The following TRMT10A variants were observed in gnomAD, a reference collection of about 807,000 sequenced individuals.
TRMT10A encodes tRNA methyltransferase 10 homolog A.
Under a neutral mutation model 40.4 loss-of-function variants are expected in TRMT10A, and 37 were observed. The observed-to-expected ratio is 0.92, with a 90% CI of 0.71 to 1.21. TRMT10A has a LOEUF of 1.21. Ranked by LOEUF, TRMT10A falls within the 50% of genes most tolerant of loss-of-function variation. The probability of loss-of-function intolerance (pLI) is 0.00; values close to 1 mark genes in which losing one functional copy is unlikely to be tolerated. For missense variants in TRMT10A, 388 were observed against 404.3 expected (o/e 0.96, Z 0.35); for synonymous variants, 103 against 134.1 (o/e 0.77, Z 1.60).
chr4:99,548,921 C>T lies in TRMT10A; in HGVS notation c.*167G>A. 1.6e-6 allele frequency: 1 copy of T among 629,522 alleles called. No individual in the cohort carries two copies. Among genetic ancestry groups the T allele is most frequent in the South Asian group, 4.5e-5 (1 of 22,322 alleles). The allele number at this position is 629,522 out of a possible 1,614,324, so 39.0% of individuals were successfully genotyped here. On this transcript the variant is annotated 3_prime_UTR_variant, in exon 8 of 8. Transcript: ENST00000394876. ...CGCAAAATCAAAAAATATTTCCTTA[C>T]AAAGTTTAAAGGGCTTTTTTTTTTA...
rs1383746742 is a variant in TRMT10A, at chr4:99,563,626, G to C, written c.-24+287C>G. 1.1e-5 allele frequency: 3 copies of C among 268,810 alleles called. No homozygotes were observed. In the East Asian group the frequency reaches 3.2e-4, roughly 29 times the overall value. 16.7% of individuals were successfully genotyped at this position (268,810 alleles called of 1,614,324 possible). A position where few individuals can be genotyped will look rare whatever the true frequency, so the allele number is the denominator to read the frequency against. On this transcript the variant is annotated intron_variant, in intron 1 of 7. Transcript: ENST00000394876. ...GACGGAAAGCGCCCCACCACGGGGC[G>C]GAGCCTCGCCCACTATCCCTTCTAG...
chr4:99,550,684 C>T (rs1376955762), intron 7 of TRMT10A, among the ~76,000 whole-genome samples: 2 of 152,236 alleles, frequency 1.3e-5, no homozygotes, highest in East Asian at 3.9e-4. Context: ...TAGTAAGACA[C>T]AGCTAATTTT....
chr4:99,562,199 A>ATGTG (rs565108332), intron 1 of TRMT10A, among the ~76,000 whole-genome samples: 11 of 117,686 alleles, frequency 9.3e-5, no homozygotes, highest in African/African-American at 3.1e-4. Context: ...ATATATATAT[A>ATGTG]TATGTGTGTG....
chr4:99,561,259 C>A (rs1724380647), intron 1 of TRMT10A, among the ~76,000 whole-genome samples: 1 of 152,062 alleles, frequency 6.6e-6, no homozygotes, highest in Admixed American at 6.6e-5. Context: ...ATCACCAGGC[C>A]CGGCCTACGT....
At chr4:99,553,157 A>C (rs952983441) in intron 6 of TRMT10A, among the ~76,000 whole-genome samples, 7 of 152,152 alleles carry the variant, frequency 4.6e-5, no homozygotes, top group Non-Finnish European at 8.8e-5. Flanking sequence ...TCAGTTCTTC[A>C]GTCATACTGT....
intron 3 of TRMT10A, 166 bp downstream of exon 3, chr4:99,557,883 T>A (rs1724228684): frequency 1.6e-6 from 1 of 615,816 alleles, no homozygotes. Context: ...TACACATATT[T>A]ATTATATCAA....
At chr4:99,560,836 C>T (rs1724359694) in intron 1 of TRMT10A, among the ~76,000 whole-genome samples, 1 of 152,062 alleles carries the variant, frequency 6.6e-6, no homozygotes, top group Non-Finnish European at 1.5e-5. Context: ...AAATTGCTCT[C>T]TTCATGAAAT....
intron 1 of TRMT10A, among the ~76,000 whole-genome samples, chr4:99,562,374 A>T (rs955734538): frequency 5.9e-5 from 9 of 151,742 alleles, no homozygotes; most frequent in African/African-American, 2.2e-4. Context: ...AAAGTTTTTT[A>T]AAACTGCATT....
intron 4 of TRMT10A, 43 bp from the exon 5 acceptor site, chr4:99,556,263 C>T: frequency 6.7e-7 from 1 of 1,503,484 alleles, no homozygotes; most frequent in Non-Finnish European, 9.2e-7. Flanking sequence ...AACAAATGAC[C>T]ATTTAAGTCT....
intron 5 of TRMT10A, among the ~76,000 whole-genome samples, chr4:99,555,471 T>C (rs1218256466): frequency 1.3e-5 from 2 of 152,172 alleles, no homozygotes; most frequent in South Asian, 2.1e-4. Flanking sequence ...TTTGGTCCAA[T>C]AGAAAAAACT....
rs202101483 is a variant in TRMT10A at position 99,549,081 on chromosome 4, G to C, written c.*7C>G. On this transcript the variant is annotated 3_prime_UTR_variant, in exon 8 of 8. Coordinates refer to ENST00000394876, the MANE Select transcript of TRMT10A (RefSeq NM_001134665.3). ...TTTTCCTTAAACTAAAAGGAAACCA[G>C]GTAACATTAGTGTGGCAGAGAGTTC... The C allele has an allele frequency of 9.9e-6, 16 of 1,611,496 alleles. No homozygotes were observed. Among genetic ancestry groups the C allele is most frequent in the Middle Eastern group, 1.7e-4 (1 of 6,048 alleles).
chr4:99,558,688 C>T (rs761335287), intron 2 of TRMT10A, among the ~76,000 whole-genome samples: 4 of 152,098 alleles, frequency 2.6e-5, no homozygotes, highest in East Asian at 1.9e-4. Context: ...TTTATTACAA[C>T]GACAAATTTA....
chr4:99,560,586 T>A (rs6825248), intron 1 of TRMT10A, among the ~76,000 whole-genome samples: 21,767 of 151,794 alleles, frequency 0.14, 1,589 homozygotes, highest in South Asian at 0.28. Flanking sequence ...TTAATTTTTT[T>A]AAAAAAAATC....
rs1220719500 is a variant in TRMT10A at position 99,548,289 on chromosome 4, A to T, written c.*799T>A. The T allele has an allele frequency of 6.6e-6, 1 of 152,032 alleles. No individual in the cohort carries two copies. Among genetic ancestry groups the T allele is most frequent in the African/African-American group, 2.4e-5 (1 of 41,412 alleles). 9.4% of individuals were successfully genotyped at this position (152,032 alleles called of 1,614,324 possible). A position where few individuals can be genotyped will look rare whatever the true frequency, so the allele number is the denominator to read the frequency against. On this transcript the variant is annotated 3_prime_UTR_variant, in exon 8 of 8. Transcript: ENST00000394876. ...CTTAAGAGCCAACAAATTTAAAAAA[A>T]ATATGGAAAAAAAAACCACAGCTGC...
rs915805252 is a variant in TRMT10A at position 99,548,334 on chromosome 4, A to C, written c.*754T>G. ...AGCTGCTAAGAGCTGTTCCATTTTA[A>C]ATGCAGGTAAAGACAAAATTGATCT... On this transcript the variant is annotated 3_prime_UTR_variant, in exon 8 of 8. Transcript: ENST00000394876. 1 of 152,170 alleles carries C rather than the reference A, an allele frequency of 6.6e-6. No individual in the cohort carries two copies. Among genetic ancestry groups the C allele is most frequent in the African/African-American group, 2.4e-5 (1 of 41,466 alleles). 9.4% of individuals were successfully genotyped at this position (152,170 alleles called of 1,614,324 possible).
chr4:99,554,763 A>G (rs1279608836), intron 5 of TRMT10A, among the ~76,000 whole-genome samples: 1 of 151,684 alleles, frequency 6.6e-6, no homozygotes, highest in East Asian at 1.9e-4. Flanking sequence ...AGAAAAGGAA[A>G]TAGTTTATAG....
At chr4:99,550,748 C>A in intron 7 of TRMT10A, 137 bp downstream of exon 7, 1 of 658,342 alleles carries the variant, frequency 1.5e-6, no homozygotes. Context: ...TTCTGTTAAA[C>A]AAATTATAAA....
rs780961575 is a variant in TRMT10A, at chr4:99,553,793, G to T, written c.637C>A (p.His213Asn). ...YVIGGLVDHN[H>N]HKGLTYKQAS... ...TAAAAATTTAATAGTACCTTGTGAT[G>T]GTTGTGATCTACTAATCCTCCAATC... The change falls in exon 6 of 8, where the codon CAT (histidine) becomes AAT (asparagine). Residue 213 changes from histidine to asparagine, a missense_variant. Transcript: ENST00000394876. The T allele has an allele frequency of 6.9e-6, 11 of 1,605,428 alleles. No individual in the cohort carries two copies. The South Asian group carries it at 1.0e-4, about 15-fold the overall frequency.
chr4:99,561,532 ACT>A (rs1190272003), intron 1 of TRMT10A, among the ~76,000 whole-genome samples: 1 of 152,194 alleles, frequency 6.6e-6, no homozygotes, highest in Non-Finnish European at 1.5e-5. Context: ...AGCCAGGTGC[ACT>A]GAGACAAATG....
Sources: gnomAD v4.1 joint callset for allele counts (sites outside exome capture counted in the v4.1 genomes callset) on GRCh38, gnomAD v4.1.1 for gene constraint, MANE v1.5 for transcripts, NCBI Gene and HGNC (gene_info 2026-07-23, HGNC 2026-07-21) for gene names.